The following MAML2 variants were observed in gnomAD, a reference collection of about 807,000 sequenced individuals.
The protein encoded by MAML2 is mastermind like transcriptional coactivator 2, also known as mastermind-like protein 2.
Under a neutral mutation model 96.1 loss-of-function variants are expected in MAML2, and 22 were observed. The observed-to-expected ratio is 0.23, with a 90% CI of 0.16 to 0.33. The LOEUF (loss-of-function observed/expected upper bound fraction) is 0.33, where lower values mean the gene tolerates loss of function less well. Among genes scored for constraint, MAML2 ranks in the 10% least tolerant of loss-of-function variants. The pLI is 1.00. For synonymous variants in MAML2, 561 were observed against 521.3 expected (o/e 1.08, Z -1.04); for missense variants, 1,367 against 1,392.4 (o/e 0.98, Z 0.29).
chr11:96,198,405 T>G (rs1861761832), intron 1 of MAML2, among the ~76,000 whole-genome samples: 1 of 152,224 alleles, frequency 6.6e-6, no homozygotes, highest in East Asian at 1.9e-4. Flanking sequence ...GTCCTCCCTA[T>G]GTCTTTTCTG....
intron 1 of MAML2, among the ~76,000 whole-genome samples, chr11:96,284,595 G>T (rs985518361): frequency 2.0e-5 from 3 of 152,104 alleles, no homozygotes; most frequent in African/African-American, 7.2e-5. Flanking sequence ...TCAGTCTGAT[G>T]GTGCTAAAGT....
chr11:96,233,794 A>G (rs1318659787), intron 1 of MAML2, among the ~76,000 whole-genome samples: 1 of 152,156 alleles, frequency 6.6e-6, no homozygotes, highest in Non-Finnish European at 1.5e-5. Flanking sequence ...GTGATACATC[A>G]CCTCTTTCAC....
chr11:96,272,815 C>T (rs911459827), intron 1 of MAML2, among the ~76,000 whole-genome samples: 2 of 152,144 alleles, frequency 1.3e-5, no homozygotes, highest in African/African-American at 2.4e-5. Context: ...TTTAAGCCTT[C>T]GACTTAGTGC....
intron 1 of MAML2, among the ~76,000 whole-genome samples, chr11:96,207,269 C>A (rs1349060406): frequency 6.6e-6 from 1 of 152,096 alleles, no homozygotes; most frequent in Non-Finnish European, 1.5e-5. Context: ...ATTCACTGGC[C>A]CATCTTTTAA....
chr11:96,280,633 A>C (rs1863052092), intron 1 of MAML2, among the ~76,000 whole-genome samples: 1 of 152,196 alleles, frequency 6.6e-6, no homozygotes. Context: ...CACCCTCCCT[A>C]AGGTGAAAGA....
chr11:96,265,096 G>C (rs1004841145), intron 1 of MAML2, among the ~76,000 whole-genome samples: 1 of 152,180 alleles, frequency 6.6e-6, no homozygotes, highest in Non-Finnish European at 1.5e-5. Flanking sequence ...CAAATACATA[G>C]TGTCAGCTGA....
At chr11:96,031,355 GTGTT>G (rs567219859) in intron 2 of MAML2, among the ~76,000 whole-genome samples, 2,171 of 150,070 alleles carry the variant, frequency 0.014, 40 homozygotes, top group African/African-American at 0.048. Context: ...GTGTGTGTGT[GTGTT>G]TGTGTGTTTT....
At position 96,326,358 on chromosome 11, in the gene MAML2, C is replaced by CGT. The variant is rs35138919; in HGVS notation, c.513+15023_513+15024dup. On this transcript the variant is annotated intron_variant, in intron 1 of 4. Coordinates refer to ENST00000524717, the MANE Select transcript of MAML2 (RefSeq NM_032427.4). ...AACTCTATTTTTAATCACACTAAAG[C>CGT]GTGTGTGTGTGTGTGTGTGTGTGTG... Among the ~76,000 whole-genome samples, 817 of 147,732 alleles carry CGT rather than the reference C, an allele frequency of 5.5e-3. 8 individuals are homozygous for CGT. Among genetic ancestry groups the CGT allele is most frequent in the South Asian group, 0.032 (148 of 4,684 alleles).
intron 1 of MAML2, among the ~76,000 whole-genome samples, chr11:96,123,620 G>A (rs1192082664): frequency 1.3e-5 from 2 of 152,216 alleles, no homozygotes; most frequent in Admixed American, 1.3e-4. Flanking sequence ...GGTTGCACCA[G>A]TTATTCAGAG....
chr11:96,174,385 T>A (rs1861349879), intron 1 of MAML2, among the ~76,000 whole-genome samples: 1 of 152,158 alleles, frequency 6.6e-6, no homozygotes, highest in Non-Finnish European at 1.5e-5. Context: ...CTATTTCACT[T>A]TATTTTATTT....
intron 2 of MAML2, among the ~76,000 whole-genome samples, chr11:96,030,805 G>C (rs971847944): frequency 6.6e-6 from 1 of 152,166 alleles, no homozygotes; most frequent in African/African-American, 2.4e-5. Flanking sequence ...ACTACTCCTG[G>C]AGTACTAATA....
chr11:96,145,318 A>T (rs116858114), intron 1 of MAML2, among the ~76,000 whole-genome samples: 1,922 of 152,318 alleles, frequency 0.013, 21 homozygotes, highest in South Asian at 0.02. Context: ...CAACTCGTGG[A>T]CAGTAGTCTC....
intron 2 of MAML2, among the ~76,000 whole-genome samples, chr11:96,046,411 G>A (rs1858902329): frequency 6.6e-6 from 1 of 151,956 alleles, no homozygotes; most frequent in South Asian, 2.1e-4. Flanking sequence ...TCAGCAAAAT[G>A]TTCTAGTTTC....
chr11:96,044,126 G>A (rs1266013972), intron 2 of MAML2, among the ~76,000 whole-genome samples: 1 of 152,196 alleles, frequency 6.6e-6, no homozygotes, highest in Non-Finnish European at 1.5e-5. Flanking sequence ...CAAGGGACTG[G>A]ATAAACAATG....
intron 1 of MAML2, among the ~76,000 whole-genome samples, chr11:96,242,245 C>G (rs535091): frequency 0.87 from 133,210 of 152,262 alleles, 58,567 homozygotes; most frequent in Middle Eastern, 0.94. Flanking sequence ...AGGTAGAGCA[C>G]TCTCAATGTT....
At chr11:96,285,872 G>A (rs1863131981) in intron 1 of MAML2, among the ~76,000 whole-genome samples, 1 of 152,178 alleles carries the variant, frequency 6.6e-6, no homozygotes, top group East Asian at 1.9e-4. Context: ...CTATGCTGTT[G>A]GTGAGAATGT....
chr11:96,142,894 G>A (rs1051900354), intron 1 of MAML2, among the ~76,000 whole-genome samples: 1 of 152,158 alleles, frequency 6.6e-6, no homozygotes, highest in Non-Finnish European at 1.5e-5. Flanking sequence ...TTTCAGGTTT[G>A]TCTAATGAAA....
At chr11:96,317,531 T>C (rs1241548117) in intron 1 of MAML2, among the ~76,000 whole-genome samples, 1 of 152,198 alleles carries the variant, frequency 6.6e-6, no homozygotes, top group Admixed American at 6.5e-5. Context: ...TACCAAAACA[T>C]ACCAACCTAC....
intron 2 of MAML2, among the ~76,000 whole-genome samples, chr11:95,999,979 T>C (rs1858056394): frequency 6.6e-6 from 1 of 152,218 alleles, no homozygotes; most frequent in South Asian, 2.1e-4. Context: ...TCTTCGGAAC[T>C]GTCTGCCGAT....
Sources: allele counts gnomAD v4.1 joint callset (sites outside exome capture counted in the v4.1 genomes callset), GRCh38; gene constraint gnomAD v4.1.1; transcripts MANE v1.5; gene names NCBI Gene and HGNC (gene_info 2026-07-23, HGNC 2026-07-21).